Variants in NCOA1 observed in about 807,000 individuals in gnomAD.
NCOA1 encodes Hin-2 protein.
A neutral mutation model predicts 150.9 loss-of-function variants in NCOA1; 35 were observed. The ratio of observed to expected loss-of-function variants is 0.23; its 90% confidence interval spans 0.18 to 0.31. NCOA1 has a LOEUF of 0.31. Among genes scored for constraint, NCOA1 ranks in the 10% least tolerant of loss-of-function variants. The probability of loss-of-function intolerance (pLI) is 1.00; values close to 1 mark genes in which losing one functional copy is unlikely to be tolerated. For missense variants in NCOA1, 1,491 were observed against 1,749.3 expected, an observed-to-expected ratio of 0.85 and a Z score of 2.63; for synonymous variants, 590 against 630.0, an observed-to-expected ratio of 0.94 and a Z score of 0.95.
intron 14 of NCOA1, among the ~76,000 whole-genome samples, chr2:24,718,148 C>G (rs1330563051): frequency 1.3e-5 from 2 of 152,114 alleles, no homozygotes; most frequent in African/African-American, 4.8e-5. Flanking sequence ...GATCCACCCG[C>G]CTTGGCTTCC....
At chr2:24,744,082 C>T (rs985132366) in intron 19 of NCOA1, among the ~76,000 whole-genome samples, 7 of 152,066 alleles carry the variant, frequency 4.6e-5, no homozygotes, top group African/African-American at 1.4e-4. Context: ...CTGGGTCTAG[C>T]CTTTTGATCT....
At chr2:24,762,921 G>C (rs184374126) in intron 22 of NCOA1, 145 bp downstream of exon 22, 1 of 685,646 alleles carries the variant, frequency 1.5e-6, no homozygotes, top group African/African-American at 1.8e-5. Context: ...TGTCGTCCTG[G>C]GCATGTTATG....
chr2:24,597,601 C>T (rs979087184), intron 3 of NCOA1, among the ~76,000 whole-genome samples: 1 of 152,014 alleles, frequency 6.6e-6, no homozygotes, highest in Non-Finnish European at 1.5e-5. Flanking sequence ...GGCTGGAGAC[C>T]CAGGGAAGAG....
At chr2:24,567,540 G>A (rs947427988) in intron 2 of NCOA1, among the ~76,000 whole-genome samples, 9 of 152,164 alleles carry the variant, frequency 5.9e-5, no homozygotes, top group Non-Finnish European at 1.0e-4. Context: ...CCCATCTGAA[G>A]CCATTTATGT....
In NCOA1 at chr2:24,527,221, T is replaced by C. The variant is rs183490801; in HGVS notation, c.-396+35619T>C. The stretch of plus-strand genomic sequence containing the variant: ...TTGAGCAAAAATCCTGAGTAAAATA[T>C]ACTATTATTATAGTCCTGATGTTGT... On this transcript the variant is annotated intron_variant, in intron 1 of 22. Coordinates refer to ENST00000348332, the MANE Select transcript of NCOA1 (RefSeq NM_003743.5). Among the ~76,000 whole-genome samples the C allele has an allele frequency of 2.6e-5, 4 of 152,330 alleles. No individual in the cohort carries two copies. The East Asian group carries it at 7.7e-4, about 29-fold the overall frequency.
intron 1 of NCOA1, among the ~76,000 whole-genome samples, chr2:24,527,427 G>A (rs1477678871): frequency 6.6e-6 from 1 of 151,934 alleles, no homozygotes; most frequent in Non-Finnish European, 1.5e-5. Flanking sequence ...TTTTGTGTCT[G>A]GCTTATTTTA....
chr2:24,752,262 AG>A (rs1664289351), intron 20 of NCOA1, 106 bp downstream of exon 20: 2 of 1,315,680 alleles, frequency 1.5e-6, no homozygotes, highest in African/African-American at 3.0e-5. Flanking sequence ...GTAAAGTGAA[AG>A]AAGGCCGGAC....
At position 24,706,745 on chromosome 2, in the gene NCOA1, C is replaced by A. The variant is rs1673456863; in HGVS notation, c.1275C>A (p.Asp425Glu). The change falls in exon 13 of 23, where the codon GAC becomes GAA. Residue 425 changes from aspartate to glutamate, a missense_variant. Asp to Glu is a conservative substitution (Grantham distance 45). This residue lies in a region of NCOA1 where 703 missense variants were observed against 717.7 expected (regional missense o/e 0.98). Coordinates refer to ENST00000348332, the MANE Select transcript of NCOA1 (RefSeq NM_003743.5). ...GAATAAACCGCCAGCAGAGCTCAGA[C>A]CTTCATAGCAGCAGTCATAGTAATT... ...STRINRQQSS[D>E]LHSSSHSNSS... 2 of 1,614,212 alleles carry A rather than the reference C, an allele frequency of 1.2e-6. No homozygotes were observed. Among genetic ancestry groups the A allele is most frequent in the Non-Finnish European group, 1.7e-6 (2 of 1,180,026 alleles).
chr2:24,707,894 T>G lies in NCOA1; in HGVS notation c.2418+6T>G. ...AACTGGAGGCCCAGAGCCAGGTGGGTAACTGCTTGCTTCACAGAATGGTCA... is the reference window on the plus strand; with the variant it reads ...AACTGGAGGCCCAGAGCCAGGTGGGGAACTGCTTGCTTCACAGAATGGTCA... On this transcript the variant is annotated splice_donor_region_variant and intron_variant, in intron 13 of 22. Transcript: ENST00000348332. 1 of 1,575,632 alleles carries G rather than the reference T, an allele frequency of 6.3e-7. No homozygotes were observed. The highest frequency in any genetic ancestry group is 8.6e-7 in the Non-Finnish European group (1 of 1,167,776).
intron 7 of NCOA1, among the ~76,000 whole-genome samples, chr2:24,677,701 G>T (rs1328564901): frequency 6.6e-6 from 1 of 152,178 alleles, no homozygotes; most frequent in Non-Finnish European, 1.5e-5. Context: ...TGGGATTACA[G>T]GCATAAGTTA....
intron 1 of NCOA1, among the ~76,000 whole-genome samples, chr2:24,550,455 C>T (rs534477106): frequency 6.6e-6 from 1 of 152,250 alleles, no homozygotes; most frequent in South Asian, 2.1e-4. Context: ...TGGATGGCAG[C>T]AGGTTGAGAG....
At chr2:24,514,890 A>G (rs1572369499) in intron 1 of NCOA1, among the ~76,000 whole-genome samples, 1 of 152,242 alleles carries the variant, frequency 6.6e-6, no homozygotes, top group Non-Finnish European at 1.5e-5. Flanking sequence ...AGTGTAGTAT[A>G]ATGAATGTTA....
At chr2:24,720,104 A>G (rs1674282021) in intron 14 of NCOA1, among the ~76,000 whole-genome samples, 1 of 152,226 alleles carries the variant, frequency 6.6e-6, no homozygotes, top group Non-Finnish European at 1.5e-5. Context: ...CTAAGACCTC[A>G]TCTATAATGA....
At chr2:24,533,558 A>G (rs1428714868) in intron 1 of NCOA1, among the ~76,000 whole-genome samples, 3 of 152,160 alleles carry the variant, frequency 2.0e-5, no homozygotes, top group Non-Finnish European at 4.4e-5. Context: ...GTTTTTGCCC[A>G]TTCAGTATGA....
Position 24,658,753 on chromosome 2 carries a change from A to G in NCOA1, c.76A>G (p.Thr26Ala), listed in dbSNP as rs762881290. 1.4e-5 allele frequency: 22 copies of G among 1,613,876 alleles called. No homozygotes were observed. The highest frequency in any genetic ancestry group is 1.7e-6 in the Non-Finnish European group (2 of 1,179,856). Residue 26 changes from threonine to alanine, a missense_variant, in exon 5 of 23, where the codon ACA (threonine) becomes GCA (alanine). By Grantham distance (58) the Thr-to-Ala change is moderately conservative. Around this residue, in one of 8 missense-constraint regions of NCOA1, gnomAD observed 40 missense variants for 39.6 expected, o/e 1.01. Coordinates refer to ENST00000348332, the MANE Select transcript of NCOA1 (RefSeq NM_003743.5). ...SHKRKGSPCD[T>A]LASSTEKRRR... ...TAAGAGGAAAGGATCGCCATGTGACACACTGGCATCAAGGTAGGAACACTC... is the reference window on the plus strand; with the variant it reads ...TAAGAGGAAAGGATCGCCATGTGACGCACTGGCATCAAGGTAGGAACACTC...
intron 19 of NCOA1, among the ~76,000 whole-genome samples, chr2:24,744,845 TAAAG>T (rs755190468): frequency 1.3e-5 from 2 of 152,222 alleles, no homozygotes; most frequent in Non-Finnish European, 2.9e-5. Flanking sequence ...GTTGAGTAGT[TAAAG>T]AAACTTTATG....
At chr2:24,701,128 G>C (rs1673137819) in intron 11 of NCOA1, among the ~76,000 whole-genome samples, 1 of 152,046 alleles carries the variant, frequency 6.6e-6, no homozygotes, top group African/African-American at 2.4e-5. Context: ...CTAGTTGTAT[G>C]AAAGTTCTGT....
intron 14 of NCOA1, among the ~76,000 whole-genome samples, chr2:24,712,852 C>T (rs890057810): frequency 6.6e-6 from 1 of 151,304 alleles, no homozygotes; most frequent in Non-Finnish European, 1.5e-5. Flanking sequence ...CAAAAAGATG[C>T]TCCCAGAAAG....
chr2:24,721,177 A>T (rs978667825), intron 14 of NCOA1, among the ~76,000 whole-genome samples: 1 of 152,144 alleles, frequency 6.6e-6, no homozygotes, highest in African/African-American at 2.4e-5. Context: ...TCATTTCATC[A>T]TAGCTATAAT....
Sources: allele counts gnomAD v4.1 joint callset (sites outside exome capture counted in the v4.1 genomes callset), GRCh38; gene constraint gnomAD v4.1.1; regional missense constraint gnomAD v4.1.1; transcripts MANE v1.5; gene names NCBI Gene and HGNC (gene_info 2026-07-23, HGNC 2026-07-21).